The following TSPAN18 variants were observed in gnomAD, a reference collection of about 807,000 sequenced individuals.
TSPAN18 encodes tetraspanin-18.
TSPAN18 carries 14 observed loss-of-function variants against 27.3 expected under a neutral mutation model. The ratio of observed to expected loss-of-function variants is 0.51; its 90% confidence interval spans 0.34 to 0.80. TSPAN18 has a LOEUF of 0.80. Among genes scored for constraint, TSPAN18 ranks in the 30% least tolerant of loss-of-function variants. TSPAN18 has a pLI of 0.01. For synonymous variants in TSPAN18, 143 were observed against 136.5 expected (o/e 1.05, Z -0.33); for missense variants, 268 against 323.9 (o/e 0.83, Z 1.32).
chr11:44,910,556 T>C (rs1307656575), intron 5 of TSPAN18, among the ~76,000 whole-genome samples: 1 of 152,246 alleles, frequency 6.6e-6, no homozygotes, highest in Non-Finnish European at 1.5e-5. Flanking sequence ...TTGATGTTTT[T>C]CCACTTGCTT....
At chr11:44,832,544 C>T (rs1334500899) in intron 2 of TSPAN18, among the ~76,000 whole-genome samples, 1 of 152,226 alleles carries the variant, frequency 6.6e-6, no homozygotes, top group African/African-American at 2.4e-5. Context: ...CTGCTTCTTC[C>T]CATGCTGACA....
intron 3 of TSPAN18, among the ~76,000 whole-genome samples, chr11:44,891,359 T>A (rs1202304242): frequency 6.6e-6 from 1 of 152,196 alleles, no homozygotes; most frequent in Non-Finnish European, 1.5e-5. Flanking sequence ...GCAGCCTGAC[T>A]GAATGATGTG....
At chr11:44,890,302 C>T (rs147684353) in intron 3 of TSPAN18, among the ~76,000 whole-genome samples, 2 of 152,316 alleles carry the variant, frequency 1.3e-5, no homozygotes, top group East Asian at 1.9e-4. Flanking sequence ...TTCACTTTAA[C>T]GTTTCACTGA....
chr11:44,851,215 G>A (rs758658160), intron 2 of TSPAN18, among the ~76,000 whole-genome samples: 20 of 152,176 alleles, frequency 1.3e-4, no homozygotes, highest in Non-Finnish European at 2.6e-4. Context: ...GTGGGCCAGC[G>A]GGGAATCTCT....
intron 5 of TSPAN18, among the ~76,000 whole-genome samples, chr11:44,912,346 A>G (rs1859751877): frequency 6.6e-6 from 1 of 151,198 alleles, no homozygotes; most frequent in African/African-American, 2.4e-5. Flanking sequence ...CTCTGTTTTT[A>G]TTCCTACGCC....
At chr11:44,747,126 G>T (rs944778944) in intron 1 of TSPAN18, among the ~76,000 whole-genome samples, 6 of 152,270 alleles carry the variant, frequency 3.9e-5, no homozygotes, top group South Asian at 2.1e-4. Context: ...TAATTCTGCT[G>T]GTCACAGCGC....
intron 2 of TSPAN18, among the ~76,000 whole-genome samples, chr11:44,812,013 C>T (rs1050052684): frequency 3.9e-5 from 6 of 152,158 alleles, no homozygotes; most frequent in Non-Finnish European, 7.3e-5. Flanking sequence ...TGCTAGTGGT[C>T]GACTTCGGTG....
chr11:44,903,832 A>G (rs1192613299), intron 3 of TSPAN18: 2 of 456,228 alleles, frequency 4.4e-6, no homozygotes, highest in African/African-American at 2.0e-5. Flanking sequence ...TGGCTTCACC[A>G]CTCACTAGCT....
At chr11:44,751,139 G>A (rs373899348) in intron 1 of TSPAN18, among the ~76,000 whole-genome samples, 1 of 152,176 alleles carries the variant, frequency 6.6e-6, no homozygotes, top group East Asian at 1.9e-4. Context: ...GTGATGGGAG[G>A]TTCAGGAACA....
In TSPAN18 at chr11:44,818,378, G is replaced by A. The variant is rs892903386; in HGVS notation, c.-152-41950G>A. Among the ~76,000 whole-genome samples the A allele has an allele frequency of 3.3e-5, 5 of 152,212 alleles. No individual in the cohort carries two copies. In the East Asian group the frequency reaches 5.8e-4, roughly 18 times the overall value. Reference sequence around the variant, plus strand: ...CTGTCCCCAGCTCTGAAGCAATGGAGAGCCTGGGGCCAGAGGGCCAGAGGA... The same window carrying A: ...CTGTCCCCAGCTCTGAAGCAATGGAAAGCCTGGGGCCAGAGGGCCAGAGGA... On this transcript the variant is annotated intron_variant, in intron 2 of 9. Coordinates refer to ENST00000520358, the MANE Select transcript of TSPAN18 (RefSeq NM_130783.5).
At chr11:44,805,148 G>A (rs1856565079) in intron 2 of TSPAN18, among the ~76,000 whole-genome samples, 1 of 152,212 alleles carries the variant, frequency 6.6e-6, no homozygotes, top group Admixed American at 6.5e-5. Context: ...AACAGAGCTG[G>A]TTATCGCTTT....
rs1005245479 is a variant in TSPAN18, at chr11:44,816,794, G to A, written c.-152-43534G>A. ...CCCAAGCTGCTGCTGTCTGGGTGCA[G>A]GAAGGAGGTGGGCCATGGTGCCTCC... is the stretch of plus-strand genomic sequence containing the variant. On this transcript the variant is annotated intron_variant, in intron 2 of 9. Coordinates refer to ENST00000520358, the MANE Select transcript of TSPAN18 (RefSeq NM_130783.5). Among the ~76,000 whole-genome samples the A allele has an allele frequency of 2.6e-5, 4 of 152,380 alleles. No homozygotes were observed. The East Asian group carries it at 7.7e-4, about 29-fold the overall frequency.
chr11:44,926,769 C>A lies in TSPAN18; in HGVS notation c.699+12C>A. ...TACTGGCCATCGAGGTAAGTAAAGGCCCCCACTTCTGCCGCTCCCCAGGAT... is the reference window on the plus strand; with the variant it reads ...TACTGGCCATCGAGGTAAGTAAAGGACCCCACTTCTGCCGCTCCCCAGGAT... On this transcript the variant is annotated intron_variant, in intron 9 of 9. Coordinates refer to ENST00000520358, the MANE Select transcript of TSPAN18 (RefSeq NM_130783.5). The A allele has an allele frequency of 6.2e-7, 1 of 1,613,568 alleles. No individual in the cohort carries two copies. Among genetic ancestry groups the A allele is most frequent in the Admixed American group, 1.7e-5 (1 of 60,020 alleles).
rs2134937150 is a variant in TSPAN18, at chr11:44,777,299, G to T, written c.-153+12787G>T. 1.3e-5 allele frequency among the ~76,000 whole-genome samples: 2 copies of T among 152,288 alleles called. 1 individual carries two copies. Among genetic ancestry groups the T allele is most frequent in the South Asian group, 4.1e-4 (2 of 4,828 alleles). ...ATGTGTGACCTCTGAACCCTTTATG[G>T]GGGATTGGGTTGGGGGTGGGGAGGA... On this transcript the variant is annotated intron_variant, in intron 2 of 9. Transcript: ENST00000520358.
intron 1 of TSPAN18, among the ~76,000 whole-genome samples, chr11:44,728,555 G>T (rs986875901): frequency 6.6e-6 from 1 of 152,122 alleles, no homozygotes; most frequent in East Asian, 1.9e-4. Flanking sequence ...GGGCCTTAAA[G>T]ACTTCAGCAG....
intron 1 of TSPAN18, among the ~76,000 whole-genome samples, chr11:44,745,361 C>T (rs1295484547): frequency 6.6e-6 from 1 of 152,228 alleles, no homozygotes; most frequent in Admixed American, 6.5e-5. Context: ...GGGTTTTCCT[C>T]ACTGCACAGC....
chr11:44,768,431 C>T (rs994526017), intron 2 of TSPAN18, among the ~76,000 whole-genome samples: 6 of 152,058 alleles, frequency 3.9e-5, no homozygotes, highest in African/African-American at 1.4e-4. Context: ...AAAGCAATGA[C>T]TTTTCTATAT....
intron 3 of TSPAN18, chr11:44,903,264 A>C (rs1366407719): frequency 2.7e-6 from 1 of 373,674 alleles, no homozygotes; most frequent in Non-Finnish European, 5.3e-6. Flanking sequence ...AAGGATGAAT[A>C]GGAATTAAGT....
At position 44,840,988 on chromosome 11, in the gene TSPAN18, A is replaced by G. The variant is rs1857360901; in HGVS notation, c.-152-19340A>G. On this transcript the variant is annotated intron_variant, in intron 2 of 9. Transcript: ENST00000520358. ...TGGTATCATCACAGTACCTGCTGGG[A>G]CCTCAATACTTGAGCATTTTCATCC... 2.6e-5 allele frequency among the ~76,000 whole-genome samples: 4 copies of G among 152,134 alleles called. No individual in the cohort carries two copies. In the South Asian group the frequency reaches 8.3e-4, roughly 32 times the overall value.
Sources: gnomAD v4.1 joint callset for allele counts (sites outside exome capture counted in the v4.1 genomes callset) on GRCh38, gnomAD v4.1.1 for gene constraint, MANE v1.5 for transcripts, NCBI Gene and HGNC (gene_info 2026-07-23, HGNC 2026-07-21) for gene names.